The following POU2F2 variants were observed in gnomAD, a reference collection of about 807,000 sequenced individuals.
POU2F2 encodes POU domain, class 2, transcription factor 2.
Under a neutral mutation model 63.5 loss-of-function variants are expected in POU2F2, and 14 were observed. That is an observed-to-expected ratio of 0.22 (90% CI 0.15 to 0.34). The LOEUF (loss-of-function observed/expected upper bound fraction) is 0.34, where lower values mean the gene tolerates loss of function less well. Among genes scored for constraint, POU2F2 ranks in the 10% least tolerant of loss-of-function variants. The probability of loss-of-function intolerance (pLI) is 1.00; values close to 1 mark genes in which losing one functional copy is unlikely to be tolerated. For missense variants in POU2F2, 607 were observed against 815.2 expected, an observed-to-expected ratio of 0.74 and a Z score of 3.11; for synonymous variants, 306 against 348.6, an observed-to-expected ratio of 0.88 and a Z score of 1.36.
chr19:42,194,647 T>G (rs2035110009), intron 1 of POU2F2, among the ~76,000 whole-genome samples: 1 of 148,058 alleles, frequency 6.8e-6, no homozygotes, highest in Admixed American at 6.9e-5. Flanking sequence ...TAATCCCAAC[T>G]GCCAGGGAGG....
intron 5 of POU2F2, among the ~76,000 whole-genome samples, chr19:42,100,856 T>G (rs1035466584): frequency 6.6e-6 from 1 of 152,056 alleles, no homozygotes; most frequent in African/African-American, 2.4e-5. Flanking sequence ...TCCCAGCAAT[T>G]TGGGAGGCCG....
At chr19:42,129,427 T>C (rs1209597) in intron 1 of POU2F2, among the ~76,000 whole-genome samples, 7,217 of 152,066 alleles carry the variant, frequency 0.047, 525 homozygotes, top group African/African-American at 0.16. Flanking sequence ...GGCCTGGGAC[T>C]CTTGGTCCTC....
intron 5 of POU2F2, among the ~76,000 whole-genome samples, chr19:42,101,293 A>T (rs922922766): frequency 8.7e-5 from 13 of 149,518 alleles, no homozygotes; most frequent in African/African-American, 3.2e-4. Flanking sequence ...GGTAAGTTGG[A>T]ATCCTAACCC....
At chr19:42,150,624 C>T (rs997588071) in intron 2 of POU2F2, among the ~76,000 whole-genome samples, 36 of 151,670 alleles carry the variant, frequency 2.4e-4, no homozygotes, top group Admixed American at 9.2e-4. Flanking sequence ...GACCAGGGCC[C>T]GAGCCGCCCT....
chr19:42,124,083 C>A (rs1368656859), intron 1 of POU2F2, among the ~76,000 whole-genome samples: 1 of 152,134 alleles, frequency 6.6e-6, no homozygotes, highest in Non-Finnish European at 1.5e-5. Context: ...GCAGCCAGAT[C>A]TCTTGAACCC....
chr19:42,129,898 C>T (rs1398489866), intron 1 of POU2F2, among the ~76,000 whole-genome samples: 1 of 152,236 alleles, frequency 6.6e-6, no homozygotes, highest in East Asian at 1.9e-4. Context: ...ACAGTACACA[C>T]CCCATGGCCA....
chr19:42,113,581 ACT>A (rs1270004553), intron 5 of POU2F2, among the ~76,000 whole-genome samples: 3 of 152,064 alleles, frequency 2.0e-5, no homozygotes, highest in Admixed American at 2.0e-4. Flanking sequence ...AGTGTTTTTT[ACT>A]CTCTTTCCTG....
chr19:42,127,180 C>A (rs1449756980), intron 1 of POU2F2, among the ~76,000 whole-genome samples: 1 of 150,524 alleles, frequency 6.6e-6, no homozygotes, highest in East Asian at 2.0e-4. Context: ...GTCTCAGACT[C>A]GTGGGCTCAA....
At chr19:42,159,112 G>C (rs574371657) in intron 2 of POU2F2, among the ~76,000 whole-genome samples, 1 of 152,282 alleles carries the variant, frequency 6.6e-6, no homozygotes, top group East Asian at 1.9e-4. Flanking sequence ...TGGGCCAAAG[G>C]TTGCCTGAAA....
intron 4 of POU2F2, among the ~76,000 whole-genome samples, chr19:42,118,463 A>G (rs1367929960): frequency 1.3e-5 from 2 of 152,212 alleles, no homozygotes; most frequent in Non-Finnish European, 2.9e-5. Context: ...CAAAATCTAG[A>G]ACAAAAATAC....
rs571373919 is a variant in POU2F2 at position 42,157,968 on chromosome 19, T to A, written c.-9+2364A>T. Reference sequence around the variant, plus strand: ...TCATCCTGGGGCTCCAGCTCCCACATAGAGCATTGAGGAGGCCTCCAGACA... The same window carrying A: ...TCATCCTGGGGCTCCAGCTCCCACAAAGAGCATTGAGGAGGCCTCCAGACA... On this transcript the variant is annotated intron_variant, in intron 2 of 6. Coordinates refer to the POU2F2 transcript ENST00000524801. Among the ~76,000 whole-genome samples the A allele has an allele frequency of 3.3e-5, 5 of 152,102 alleles. No homozygotes were observed. In the East Asian group the frequency reaches 5.8e-4, roughly 18 times the overall value.
At chr19:42,154,277 G>A (rs2034416251) in intron 2 of POU2F2, among the ~76,000 whole-genome samples, 1 of 152,022 alleles carries the variant, frequency 6.6e-6, no homozygotes, top group African/African-American at 2.4e-5. Context: ...GACGACAAGA[G>A]AAAGAGAACG....
intron 2 of POU2F2, among the ~76,000 whole-genome samples, chr19:42,145,017 G>A (rs1267658751): frequency 6.6e-6 from 1 of 152,264 alleles, no homozygotes; most frequent in Non-Finnish European, 1.5e-5. Flanking sequence ...GGGGCTAGGT[G>A]TGGCCTATGT....
chr19:42,161,615 T>C (rs1480515679), intron 1 of POU2F2, among the ~76,000 whole-genome samples: 1 of 142,814 alleles, frequency 7.0e-6, no homozygotes, highest in East Asian at 2.1e-4. Context: ...TGGGGAGAAA[T>C]AGACAGAGAG....
rs1384878210 is a variant in POU2F2 at position 42,091,227 on chromosome 19, G to A, written c.*30C>T. Reference sequence around the variant, plus strand: ...AGGCAAGGGACCAAGGCAGGGACCAGAGGAATGGGAGGGGAGGCATGGCTG... The same window carrying A: ...AGGCAAGGGACCAAGGCAGGGACCAAAGGAATGGGAGGGGAGGCATGGCTG... On this transcript the variant is annotated 3_prime_UTR_variant, in exon 15 of 15. Coordinates refer to ENST00000692977, the MANE Select transcript of POU2F2 (RefSeq NM_001394376.1). The A allele has an allele frequency of 2.6e-6, 4 of 1,509,988 alleles. No individual in the cohort carries two copies. Among genetic ancestry groups the A allele is most frequent in the South Asian group, 1.3e-5 (1 of 79,776 alleles). The allele number at this position is 1,509,988 out of a possible 1,614,324, so 93.5% of individuals were successfully genotyped here. A position where few individuals can be genotyped will look rare whatever the true frequency, so the allele number is the denominator to read the frequency against.
intron 2 of POU2F2, among the ~76,000 whole-genome samples, chr19:42,138,288 C>CA (rs1242710376): frequency 1.3e-5 from 2 of 152,068 alleles, no homozygotes; most frequent in African/African-American, 4.8e-5. Context: ...GAATGAGGTC[C>CA]AGGTATGTTA....
intron 2 of POU2F2, among the ~76,000 whole-genome samples, chr19:42,147,364 C>T (rs2034252538): frequency 6.6e-6 from 1 of 152,208 alleles, no homozygotes; most frequent in African/African-American, 2.4e-5. Flanking sequence ...AAATCCTACT[C>T]GTCTTTTAAG....
chr19:42,197,469 C>A (rs370969127), upstream of POU2F2, among the ~76,000 whole-genome samples: 2 of 152,156 alleles, frequency 1.3e-5, no homozygotes, highest in African/African-American at 4.8e-5. Context: ...CACATCAAGA[C>A]GGGTCGAAAT....
intron 7 of POU2F2, chr19:42,099,211 A>C: frequency 6.7e-6 from 2 of 299,974 alleles, no homozygotes; most frequent in Non-Finnish European, 1.3e-5. Flanking sequence ...GCCCCTTGCA[A>C]TTTTGTGTGT....
Sources: allele counts gnomAD v4.1 joint callset (sites outside exome capture counted in the v4.1 genomes callset), GRCh38; gene constraint gnomAD v4.1.1; transcripts MANE v1.5; gene names NCBI Gene and HGNC (gene_info 2026-07-23, HGNC 2026-07-21).